SDK1: variants seen among roughly 807,000 people sequenced by gnomAD.
The protein encoded by SDK1 is protein sidekick-1.
Under a neutral mutation model 245.5 loss-of-function variants are expected in SDK1, and 157 were observed. That is an observed-to-expected ratio of 0.64 (90% CI 0.56 to 0.73). The LOEUF (loss-of-function observed/expected upper bound fraction) is 0.73, where lower values mean the gene tolerates loss of function less well. Among genes scored for constraint, SDK1 ranks in the 30% least tolerant of loss-of-function variants. SDK1 has a pLI of 0.00. For missense variants in SDK1, 3,583 were observed against 3,002.3 expected (o/e 1.19, Z -4.52); for synonymous variants, 1,647 against 1,278.5 (o/e 1.29, Z -6.15).
intron 4 of SDK1, among the ~76,000 whole-genome samples, chr7:3,727,031 G>A (rs1189926838): frequency 6.6e-6 from 1 of 152,220 alleles, no homozygotes; most frequent in African/African-American, 2.4e-5. Flanking sequence ...CTCTTTGACT[G>A]ACAGTCTTGG....
chr7:3,358,478 A>G (rs1466524052), intron 1 of SDK1, among the ~76,000 whole-genome samples: 1 of 148,218 alleles, frequency 6.7e-6, no homozygotes, highest in Non-Finnish European at 1.5e-5. Context: ...TTTTTCCCCC[A>G]GCTACTGCTC....
chr7:3,938,292 T>C (rs1780230841), intron 5 of SDK1, among the ~76,000 whole-genome samples: 1 of 152,196 alleles, frequency 6.6e-6, no homozygotes, highest in Non-Finnish European at 1.5e-5. Context: ...CCAGTCTTTC[T>C]ATTGGTGATG....
intron 1 of SDK1, among the ~76,000 whole-genome samples, chr7:3,495,745 G>A (rs1157028197): frequency 2.0e-5 from 3 of 152,204 alleles, no homozygotes; most frequent in Non-Finnish European, 4.4e-5. Flanking sequence ...GCCACGAGGC[G>A]AGACAGCAAG....
chr7:3,403,919 G>A (rs982813281), intron 1 of SDK1, among the ~76,000 whole-genome samples: 2 of 134,524 alleles, frequency 1.5e-5, no homozygotes, highest in Non-Finnish European at 3.1e-5. Context: ...TCCATATACA[G>A]GCATACCTTG....
At chr7:3,721,138 A>G (rs570370614) in intron 4 of SDK1, among the ~76,000 whole-genome samples, 11 of 152,286 alleles carry the variant, frequency 7.2e-5, no homozygotes, top group Admixed American at 2.6e-4. Context: ...GGGGCTTAAA[A>G]AGGGAGCTGG....
intron 5 of SDK1, among the ~76,000 whole-genome samples, chr7:3,836,573 T>TA (rs1219108386): frequency 6.6e-6 from 1 of 152,186 alleles, no homozygotes; most frequent in African/African-American, 2.4e-5. Context: ...TGGGATGTTC[T>TA]AAGGGAACAT....
At chr7:3,667,130 C>T (rs1271208063) in intron 4 of SDK1, among the ~76,000 whole-genome samples, 4 of 152,170 alleles carry the variant, frequency 2.6e-5, no homozygotes, top group East Asian at 3.9e-4. Context: ...ATGTCTTGTG[C>T]ATATCTGTGT....
At chr7:4,131,798 T>C (rs1020792512) in intron 27 of SDK1, among the ~76,000 whole-genome samples, 3 of 151,702 alleles carry the variant, frequency 2.0e-5, no homozygotes, top group African/African-American at 4.8e-5. Context: ...TCTAGGATGA[T>C]GCAGGAGAGA....
At chr7:3,624,528 A>G (rs561266593) in intron 2 of SDK1, among the ~76,000 whole-genome samples, 1 of 152,218 alleles carries the variant, frequency 6.6e-6, no homozygotes, top group African/African-American at 2.4e-5. Flanking sequence ...TGCCAATGGG[A>G]TTTTCTGGGG....
At chr7:3,775,586 T>C (rs1192853892) in intron 4 of SDK1, among the ~76,000 whole-genome samples, 1 of 151,704 alleles carries the variant, frequency 6.6e-6, no homozygotes, top group Non-Finnish European at 1.5e-5. Flanking sequence ...TTTTTTTTTT[T>C]TGAGACAGAG....
At chr7:4,194,013 T>G (rs1002970008) in intron 35 of SDK1, among the ~76,000 whole-genome samples, 1 of 152,130 alleles carries the variant, frequency 6.6e-6, no homozygotes, top group Non-Finnish European at 1.5e-5. Context: ...ATCAGCATTC[T>G]CCATACTACT....
chr7:4,266,135 G>T lies in SDK1; in HGVS notation c.*751G>T, dbSNP rs1282223297. 1.0e-6 allele frequency: 1 copy of T among 985,512 alleles called. No individual in the cohort carries two copies. The highest frequency in any genetic ancestry group is 4.7e-5 in the South Asian group (1 of 21,288). The allele number at this position is 985,512 out of a possible 1,614,324, so 61.0% of individuals were successfully genotyped here. On this transcript the variant is annotated 3_prime_UTR_variant, in exon 45 of 45. Coordinates refer to ENST00000404826, the MANE Select transcript of SDK1 (RefSeq NM_152744.4). ...GCCTCTTAGGGCTGGAAGCCACCAC[G>T]CTGGCCCTCTCCTTCCCCGAACACA...
chr7:3,329,796 C>A (rs1254948955), intron 1 of SDK1, among the ~76,000 whole-genome samples: 2 of 152,188 alleles, frequency 1.3e-5, no homozygotes, highest in African/African-American at 4.8e-5. Context: ...CATATGCACA[C>A]TTATTTTTGT....
chr7:3,758,249 C>T (rs776585625), intron 4 of SDK1, among the ~76,000 whole-genome samples: 7 of 152,222 alleles, frequency 4.6e-5, no homozygotes, highest in South Asian at 2.1e-4. Context: ...TTTTAGCATT[C>T]GGCAGTGGCT....
chr7:3,754,685 G>C (rs568352237), intron 4 of SDK1, among the ~76,000 whole-genome samples: 4 of 152,204 alleles, frequency 2.6e-5, no homozygotes, highest in Non-Finnish European at 2.9e-5. Flanking sequence ...AGGGGAAGGG[G>C]GGTGGGGGGC....
chr7:3,884,257 C>T (rs1300906368), intron 5 of SDK1, among the ~76,000 whole-genome samples: 2 of 151,956 alleles, frequency 1.3e-5, no homozygotes, highest in African/African-American at 4.8e-5. Flanking sequence ...CCTTTCTTTC[C>T]TTGTAGCTTT....
chr7:3,421,964 G>T (rs1353807833), intron 1 of SDK1, among the ~76,000 whole-genome samples: 1 of 152,146 alleles, frequency 6.6e-6, no homozygotes, highest in Non-Finnish European at 1.5e-5. Context: ...CAGTCCAGGA[G>T]TTGTGAGATT....
At position 4,130,082 on chromosome 7, in the gene SDK1, C is replaced by T. The variant is rs922964953; in HGVS notation, c.4114C>T (p.Arg1372Cys). The T allele has an allele frequency of 4.4e-6, 7 of 1,605,416 alleles. No homozygotes were observed. Among genetic ancestry groups the T allele is most frequent in the African/African-American group, 2.7e-5 (2 of 74,870 alleles). The change falls in exon 27 of 45, where the codon CGC becomes TGC. Residue 1372 changes from arginine (R) to cysteine (C), a missense_variant. By Grantham distance (180) the Arg-to-Cys change is radical. Coordinates refer to ENST00000404826, the MANE Select transcript of SDK1 (RefSeq NM_152744.4). ...GVPSTPLILE[R>C]TKDDAPGPPV... Reference sequence around the variant, plus strand: ...CCCCAGCACGCCCCTCATCCTGGAGCGCACCAAAGACGATGGTAGGTCCAG... The same window carrying T: ...CCCCAGCACGCCCCTCATCCTGGAGTGCACCAAAGACGATGGTAGGTCCAG...
chr7:3,857,023 T>C (rs888361709), intron 5 of SDK1, among the ~76,000 whole-genome samples: 6 of 152,058 alleles, frequency 3.9e-5, no homozygotes, highest in Non-Finnish European at 8.8e-5. Context: ...CCAAGTAGAT[T>C]GAATCCCCGA....
Sources: allele counts gnomAD v4.1 joint callset (sites outside exome capture counted in the v4.1 genomes callset), GRCh38; gene constraint gnomAD v4.1.1; transcripts MANE v1.5; gene names NCBI Gene and HGNC (gene_info 2026-07-23, HGNC 2026-07-21).